The following QKI variants were observed in gnomAD, a reference collection of about 807,000 sequenced individuals.
QKI encodes the protein QKI, KH domain containing RNA binding, also known as KH domain-containing RNA-binding protein QKI.
Under a neutral mutation model 39.0 loss-of-function variants are expected in QKI, and 10 were observed. That is an observed-to-expected ratio of 0.26 (90% confidence interval 0.16 to 0.43). The LOEUF is 0.43. Ranked by LOEUF, QKI falls within the 20% of genes least tolerant of loss-of-function variation. The pLI is 1.00. For missense variants in QKI, 218 were observed against 428.0 expected, an observed-to-expected ratio of 0.51 and a Z score of 4.33; for synonymous variants, 204 against 155.4, an observed-to-expected ratio of 1.31 and a Z score of -2.33.
intron 7 of QKI, chr6:163,570,367 T>A (rs1783628514): frequency 1.0e-6 from 1 of 983,680 alleles, no homozygotes; most frequent in Admixed American, 6.2e-5. Context: ...TCATTGTTGT[T>A]TTTCAATTTC....
At chr6:163,466,111 G>C (rs1791722117) in intron 2 of QKI, among the ~76,000 whole-genome samples, 1 of 146,164 alleles carries the variant, frequency 6.8e-6, no homozygotes, top group Non-Finnish European at 1.5e-5. Flanking sequence ...TGGGTGACAA[G>C]AGCGAAACTC....
At chr6:163,550,100 A>G (rs778048631) in intron 4 of QKI, among the ~76,000 whole-genome samples, 1 of 152,236 alleles carries the variant, frequency 6.6e-6, no homozygotes, top group African/African-American at 2.4e-5. Flanking sequence ...CCTTATAACA[A>G]TACCTGAAAC....
At position 163,574,262 on chromosome 6, in the gene QKI, T is replaced by G. The variant is rs2128253997; in HGVS notation, c.*3552T>G. 6.6e-6 allele frequency: 1 copy of G among 152,344 alleles called. No homozygotes were observed. Among genetic ancestry groups the G allele is most frequent in the Non-Finnish European group, 1.5e-5 (1 of 68,032 alleles). The allele number at this position is 152,344 out of a possible 1,614,324, so 9.4% of individuals were successfully genotyped here. On this transcript the variant is annotated 3_prime_UTR_variant, in exon 8 of 8. Transcript: ENST00000361752. ...CTTTTAATTTCTGTAAATAAGTAAT[T>G]TTATGGTCACATTGTAAAGCAGAGA...
chr6:163,501,286 TAAA>T (rs5881537), intron 3 of QKI, among the ~76,000 whole-genome samples: 2 of 146,580 alleles, frequency 1.4e-5, no homozygotes, highest in African/African-American at 5.0e-5. Context: ...GTTTTAACAT[TAAA>T]AAAAAAAAAC....
chr6:163,469,949 G>A (rs968987165), intron 2 of QKI, among the ~76,000 whole-genome samples: 1 of 152,062 alleles, frequency 6.6e-6, no homozygotes. Flanking sequence ...TGCTCAAAAA[G>A]TGCCAGTAGA....
intron 6 of QKI, chr6:163,565,642 TAA>T (rs1783318126): frequency 9.5e-7 from 1 of 1,050,080 alleles, no homozygotes; most frequent in Non-Finnish European, 1.1e-6. Context: ...TGAATAATAA[TAA>T]GTGCCCAATG....
chr6:163,487,701 C>T (rs1777768388), intron 3 of QKI, among the ~76,000 whole-genome samples: 2 of 151,982 alleles, frequency 1.3e-5, no homozygotes, highest in Admixed American at 6.6e-5. Context: ...CTCTGTTCCC[C>T]ATATTTCTTG....
At chr6:163,466,648 G>A (rs374935383) in intron 2 of QKI, among the ~76,000 whole-genome samples, 16 of 152,266 alleles carry the variant, frequency 1.1e-4, no homozygotes, top group African/African-American at 3.9e-4. Flanking sequence ...TCAACAGTTG[G>A]TGCTGGGAAA....
intron 3 of QKI, among the ~76,000 whole-genome samples, chr6:163,506,246 A>G (rs546647646): frequency 6.6e-6 from 1 of 152,188 alleles, no homozygotes; most frequent in Non-Finnish European, 1.5e-5. Context: ...GGTATCAGAG[A>G]GATTTTCATT....
At chr6:163,477,318 A>G (rs929107131) in intron 2 of QKI, among the ~76,000 whole-genome samples, 9 of 152,128 alleles carry the variant, frequency 5.9e-5, no homozygotes, top group Admixed American at 3.3e-4. Context: ...CGCCTGGCCA[A>G]TATTCAGATT....
intron 3 of QKI, among the ~76,000 whole-genome samples, chr6:163,523,296 GAA>G: frequency 6.6e-6 from 1 of 152,218 alleles, no homozygotes; most frequent in Non-Finnish European, 1.5e-5. Flanking sequence ...AACTAATGTA[GAA>G]AAATACACAT....
At chr6:163,471,984 A>G (rs1028686692) in intron 2 of QKI, among the ~76,000 whole-genome samples, 1 of 152,144 alleles carries the variant, frequency 6.6e-6, no homozygotes, top group Non-Finnish European at 1.5e-5. Context: ...ATCTCTAGAG[A>G]TAATAAAGAA....
intron 2 of QKI, among the ~76,000 whole-genome samples, chr6:163,476,542 C>T (rs1792620359): frequency 6.6e-6 from 1 of 152,208 alleles, no homozygotes; most frequent in Admixed American, 6.5e-5. Flanking sequence ...TATAATGGAA[C>T]ACAGAATTCT....
At chr6:163,456,646 CT>C (rs147943573) in intron 2 of QKI, among the ~76,000 whole-genome samples, 4,350 of 151,880 alleles carry the variant, frequency 0.029, 204 homozygotes, top group African/African-American at 0.099. Flanking sequence ...TGATCTGATA[CT>C]TTTTTTTAAA....
At chr6:163,526,035 T>C (rs1281167653) in intron 3 of QKI, among the ~76,000 whole-genome samples, 1 of 152,226 alleles carries the variant, frequency 6.6e-6, no homozygotes, top group East Asian at 1.9e-4. Context: ...GGAGCACTTA[T>C]TAGAAAGTCT....
At chr6:163,563,324 CCTGCTTTT>C in intron 5 of QKI, 88 bp from the exon 6 acceptor site, 1 of 1,177,222 alleles carries the variant, frequency 8.5e-7, no homozygotes, top group Non-Finnish European at 1.2e-6. Context: ...TTTCTTCTTT[CCTGCTTTT>C]CCTTTCTTTT....
At chr6:163,465,351 A>C (rs773948742) in intron 2 of QKI, among the ~76,000 whole-genome samples, 1 of 152,150 alleles carries the variant, frequency 6.6e-6, no homozygotes, top group Non-Finnish European at 1.5e-5. Context: ...AAAGGCAGCC[A>C]GGAGTGGTGG....
chr6:163,471,085 T>G (rs1792146801), intron 2 of QKI, among the ~76,000 whole-genome samples: 1 of 152,124 alleles, frequency 6.6e-6, no homozygotes, highest in Non-Finnish European at 1.5e-5. Context: ...GACCACACCT[T>G]GGCAAGTGAT....
At chr6:163,497,484 T>A (rs549619321) in intron 3 of QKI, among the ~76,000 whole-genome samples, 96 of 152,216 alleles carry the variant, frequency 6.3e-4, no homozygotes, top group African/African-American at 2.2e-3. Context: ...TTTTAACTTA[T>A]TAAAGAATTT....
Sources: gnomAD v4.1 joint callset for allele counts (sites outside exome capture counted in the v4.1 genomes callset) on GRCh38, gnomAD v4.1.1 for gene constraint, MANE v1.5 for transcripts, NCBI Gene and HGNC (gene_info 2026-07-23, HGNC 2026-07-21) for gene names.